Variants in PECAM1 observed in about 807,000 individuals in gnomAD.
The protein encoded by PECAM1 is platelet endothelial cell adhesion molecule.
PECAM1 carries 8 observed loss-of-function variants against 13.8 expected under a neutral mutation model. That is an observed-to-expected ratio of 0.58 (90% CI 0.34 to 1.05). The LOEUF is 1.05. Ranked by LOEUF, PECAM1 falls within the 50% of genes least tolerant of loss-of-function variation. The probability of loss-of-function intolerance (pLI) is 0.03; values close to 1 mark genes in which losing one functional copy is unlikely to be tolerated. For missense variants in PECAM1, 304 were observed against 141.2 expected (o/e 2.15, Z -5.84); for synonymous variants, 136 against 52.6 (o/e 2.58, Z -6.86).
chr17:64,370,905 A>C (rs2036224160), intron 4 of PECAM1, among the ~76,000 whole-genome samples: 1 of 152,244 alleles, frequency 6.6e-6, no homozygotes, highest in African/African-American at 2.4e-5. Context: ...CTAATGCTTT[A>C]ATATTCATTA....
chr17:64,330,636 A>T (rs1239332405), intron 14 of PECAM1, among the ~76,000 whole-genome samples: 1 of 131,308 alleles, frequency 7.6e-6, no homozygotes, highest in African/African-American at 2.8e-5. Context: ...ACTCCATCTC[A>T]AAAAAAAAAA....
intron 14 of PECAM1, among the ~76,000 whole-genome samples, chr17:64,333,993 C>T (rs2035199583): frequency 6.8e-6 from 1 of 146,430 alleles, no homozygotes; most frequent in Admixed American, 6.9e-5. Context: ...GTGTGGAATT[C>T]TACCATACAT....
rs557246431 is a variant in PECAM1 at position 64,319,800 on chromosome 17, C to G, written c.*4016G>C. 5.8e-4 allele frequency: 89 copies of G among 152,308 alleles called. 1 individual carries two copies. The highest frequency in any genetic ancestry group is 1.8e-3 in the African/African-American group (74 of 41,556). The allele number at this position is 152,308 out of a possible 1,614,324, so 9.4% of individuals were successfully genotyped here. A position where few individuals can be genotyped will look rare whatever the true frequency, so the allele number is the denominator to read the frequency against. On this transcript the variant is annotated 3_prime_UTR_variant, in exon 16 of 16. Coordinates refer to ENST00000563924, the MANE Select transcript of PECAM1 (RefSeq NM_000442.5). Reference sequence around the variant, plus strand: ...CGCATGCTCCAGGCTGCTTGCCCAGCTCCTGAGATCTTATCGGGAAGCGGC... The same window carrying G: ...CGCATGCTCCAGGCTGCTTGCCCAGGTCCTGAGATCTTATCGGGAAGCGGC...
chr17:64,326,010 G>A (rs1322982151), intron 15 of PECAM1, among the ~76,000 whole-genome samples: 4 of 152,196 alleles, frequency 2.6e-5, no homozygotes, highest in Non-Finnish European at 4.4e-5. Flanking sequence ...TGCAGAAGGG[G>A]TTCAGAGGCA....
At chr17:64,376,444 G>A (rs1435001030) in intron 3 of PECAM1, among the ~76,000 whole-genome samples, 1 of 152,180 alleles carries the variant, frequency 6.6e-6, no homozygotes, top group Non-Finnish European at 1.5e-5. Flanking sequence ...ATGCTTAGAG[G>A]GGAAAGGTAG....
At chr17:64,369,163 G>A (rs1006726911) in intron 5 of PECAM1, among the ~76,000 whole-genome samples, 27 of 152,008 alleles carry the variant, frequency 1.8e-4, no homozygotes, top group African/African-American at 6.0e-4. Context: ...TCGAACTCCC[G>A]GCCTCAAGTG....
rs1286824026 is a variant in PECAM1, at chr17:64,322,241, C to A, written c.*1575G>T. 5.0e-6 allele frequency: 2 copies of A among 399,016 alleles called. No homozygotes were observed. The highest frequency in any genetic ancestry group is 8.9e-5 in the South Asian group (1 of 11,230). 24.7% of individuals were successfully genotyped at this position (399,016 alleles called of 1,614,324 possible). A position where few individuals can be genotyped will look rare whatever the true frequency, so the allele number is the denominator to read the frequency against. ...TCTCTACTAAAAATACAAAAATTAG[C>A]CAGGCGTGGTGACATGTGCCTGTAA... is the stretch of plus-strand genomic sequence containing the variant. On this transcript the variant is annotated 3_prime_UTR_variant, in exon 16 of 16. Transcript: ENST00000563924.
rs782172721 is a variant in PECAM1 at position 64,320,711 on chromosome 17, C to T, written c.*3105G>A. 21 of 152,318 alleles carry T rather than the reference C, an allele frequency of 1.4e-4. No individual in the cohort carries two copies. Among genetic ancestry groups the T allele is most frequent in the African/African-American group, 4.8e-4 (20 of 41,452 alleles). The allele number at this position is 152,318 out of a possible 1,614,324, so 9.4% of individuals were successfully genotyped here. On this transcript the variant is annotated 3_prime_UTR_variant, in exon 16 of 16. Coordinates refer to ENST00000563924, the MANE Select transcript of PECAM1 (RefSeq NM_000442.5). ...CTGCCATGTGACTCTTGTAATCTTC[C>T]CACCGCCAACACCCAGCACAGCGTC...
In PECAM1 at chr17:64,360,202, A is replaced by T. The variant is rs1378138075; in HGVS notation, c.1430T>A (p.Val477Asp). The change falls in exon 7 of 16, where the codon GTT becomes GAT. Residue 477 changes from valine to aspartate, a missense_variant. Coordinates refer to ENST00000563924, the MANE Select transcript of PECAM1 (RefSeq NM_000442.5). ...NPTEDVEYQC[V>D]ADNCHSHAKM... Reference sequence around the variant, plus strand: ...GGCATGGGAATGGCAATTATCTGCAACACACTGGTATTCGACGTCTTCAGT... The same window carrying T: ...GGCATGGGAATGGCAATTATCTGCATCACACTGGTATTCGACGTCTTCAGT... 2.1e-6 allele frequency: 1 copy of T among 475,298 alleles called. No individual in the cohort carries two copies. The highest frequency in any genetic ancestry group is 2.0e-5 in the African/African-American group (1 of 50,532). 29.4% of individuals were successfully genotyped at this position (475,298 alleles called of 1,614,324 possible).
At chr17:64,383,855 G>T (rs2036535403) in intron 2 of PECAM1, among the ~76,000 whole-genome samples, 2 of 152,140 alleles carry the variant, frequency 1.3e-5, no homozygotes, top group African/African-American at 4.8e-5. Context: ...AACTCGGCAG[G>T]GTGTGGCGGC....
chr17:64,321,878 T>C lies in PECAM1; in HGVS notation c.*1938A>G. The C allele has an allele frequency of 7.4e-7, 1 of 1,350,034 alleles. No homozygotes were observed. The highest frequency in any genetic ancestry group is 1.1e-5 in the South Asian group (1 of 88,012). 83.6% of individuals were successfully genotyped at this position (1,350,034 alleles called of 1,614,324 possible). A position where few individuals can be genotyped will look rare whatever the true frequency, so the allele number is the denominator to read the frequency against. On this transcript the variant is annotated 3_prime_UTR_variant, in exon 16 of 16. Coordinates refer to ENST00000563924, the MANE Select transcript of PECAM1 (RefSeq NM_000442.5). The stretch of plus-strand genomic sequence containing the variant: ...CCCTTCTCTGGTGGTGGCAAGGGAC[T>C]AAGGAACTCCCTGGACACAGGGGAT...
rs1358340147 is a variant in PECAM1, at chr17:64,390,849, T to G, written c.-184A>C. 2 of 396,466 alleles carry G rather than the reference T, an allele frequency of 5.0e-6. No homozygotes were observed. Among genetic ancestry groups the G allele is most frequent in the Non-Finnish European group, 8.9e-6 (2 of 225,296 alleles). 24.6% of individuals were successfully genotyped at this position (396,466 alleles called of 1,614,324 possible). The stretch of plus-strand genomic sequence containing the variant: ...GGCGCTGGTCAGGTAATGGCAGCCA[T>G]GGCTGGAAACCGGGAACAATGGGGC... On this transcript the variant is annotated 5_prime_UTR_variant, in exon 1 of 16. An upstream start codon of the reference 5' UTR is lost. Coordinates refer to ENST00000563924, the MANE Select transcript of PECAM1 (RefSeq NM_000442.5).
intron 2 of PECAM1, among the ~76,000 whole-genome samples, chr17:64,380,976 T>C (rs2036470086): frequency 6.6e-6 from 1 of 152,002 alleles, no homozygotes; most frequent in Non-Finnish European, 1.5e-5. Flanking sequence ...TAAGACTCTG[T>C]CTGCAAAAAC....
rs1029626250 is a variant in PECAM1 at position 64,377,808 on chromosome 17, A to T, written c.385+16T>A. 1 of 475,136 alleles carries T rather than the reference A, an allele frequency of 2.1e-6. No homozygotes were observed. Among genetic ancestry groups the T allele is most frequent in the Non-Finnish European group, 3.9e-6 (1 of 259,086 alleles). 29.4% of individuals were successfully genotyped at this position (475,136 alleles called of 1,614,324 possible). A position where few individuals can be genotyped will look rare whatever the true frequency, so the allele number is the denominator to read the frequency against. The stretch of plus-strand genomic sequence containing the variant: ...ATGCTCCATCTGCTTGCCTGTGCTC[A>T]GTTCCAAGGACTCACCTTCCACCAA... On this transcript the variant is annotated intron_variant, in intron 3 of 15. Coordinates refer to ENST00000563924, the MANE Select transcript of PECAM1 (RefSeq NM_000442.5).
chr17:64,384,433 C>T (rs1008961910), intron 2 of PECAM1, among the ~76,000 whole-genome samples: 5 of 152,310 alleles, frequency 3.3e-5, no homozygotes, highest in East Asian at 1.9e-4. Context: ...CACACTTACA[C>T]GTGGTCACCT....
rs2036339258 is a variant in PECAM1 at position 64,375,615 on chromosome 17, TTGGAGACCAGCC to T, written c.386-271_386-260del. ...TGGGTGGATCTCTTGAGCCCAGGAG[TTGGAGACCAGCC>T]TGGGCAACACGGTGAAATGCTATCT... On this transcript the variant is annotated intron_variant, in intron 3 of 15. Transcript: ENST00000563924. Among the ~76,000 whole-genome samples the T allele has an allele frequency of 2.6e-5, 4 of 151,566 alleles. No individual in the cohort carries two copies. In the South Asian group the frequency reaches 8.3e-4, roughly 32 times the overall value.
intron 7 of PECAM1, among the ~76,000 whole-genome samples, chr17:64,357,523 A>T (rs1273930726): frequency 6.6e-6 from 1 of 152,158 alleles, no homozygotes; most frequent in South Asian, 2.1e-4. Context: ...GTGAGAGCAG[A>T]TGGTCAGCAG....
At chr17:64,369,336 A>G (rs2036186245) in intron 5 of PECAM1, among the ~76,000 whole-genome samples, 2 of 152,272 alleles carry the variant, frequency 1.3e-5, no homozygotes, top group Middle Eastern at 3.4e-3. Context: ...GGGGATGGAG[A>G]AATATAACAG....
At chr17:64,389,967 G>C (rs1328075870) in intron 2 of PECAM1, among the ~76,000 whole-genome samples, 2 of 151,630 alleles carry the variant, frequency 1.3e-5, no homozygotes, top group Non-Finnish European at 2.9e-5. Context: ...AGAATCCCTT[G>C]AACCCAGGAG....
Sources: gnomAD v4.1 joint callset for allele counts (sites outside exome capture counted in the v4.1 genomes callset) on GRCh38, gnomAD v4.1.1 for gene constraint, MANE v1.5 for transcripts, NCBI Gene and HGNC (gene_info 2026-07-23, HGNC 2026-07-21) for gene names.